Variants in PPP1R1B observed in about 807,000 individuals in gnomAD.
The protein encoded by PPP1R1B is protein phosphatase 1 regulatory subunit 1B.
In PPP1R1B, 13 loss-of-function variants were observed where a neutral mutation model predicts 28.2. That is an observed-to-expected ratio of 0.46 (90% CI 0.30 to 0.73). The LOEUF (loss-of-function observed/expected upper bound fraction) is 0.73. PPP1R1B is among the 30% of genes least tolerant of loss of function. The probability of loss-of-function intolerance (pLI) is 0.07; values close to 1 mark genes in which losing one functional copy is unlikely to be tolerated. For missense variants in PPP1R1B, 236 were observed against 256.7 expected (o/e 0.92, Z 0.55); for synonymous variants, 102 against 97.5 (o/e 1.05, Z -0.27).
chr17:39,629,817 TA>T, intron 3 of PPP1R1B, 154 bp from the exon 4 acceptor site: 1 of 907,610 alleles, frequency 1.1e-6, no homozygotes, highest in Non-Finnish European at 1.7e-6. Context: ...GGGCCCCCCC[TA>T]AAGCCACAGG....
chr17:39,633,567 G>A (rs1163685625), intron 4 of PPP1R1B: 2 of 287,604 alleles, frequency 7.0e-6, no homozygotes, highest in Non-Finnish European at 6.8e-6. Context: ...TCCAGCCAGG[G>A]AATGTTAAGC....
intron 4 of PPP1R1B, chr17:39,632,638 G>A (rs1237669012): frequency 6.6e-6 from 1 of 152,284 alleles, no homozygotes; most frequent in Non-Finnish European, 1.5e-5. Flanking sequence ...TCAAGATGAA[G>A]CTCTGCCGCG....
intron 4 of PPP1R1B, chr17:39,632,126 A>G (rs1423890262): frequency 6.6e-6 from 1 of 152,568 alleles, no homozygotes; most frequent in Non-Finnish European, 1.5e-5. Flanking sequence ...AGGGATCAGG[A>G]GAGGGGTGGC....
chr17:39,632,809 ACCCT>A (rs2056888633), intron 4 of PPP1R1B: 1 of 152,012 alleles, frequency 6.6e-6, no homozygotes, highest in Admixed American at 6.6e-5. Context: ...GGAGCATAGC[ACCCT>A]GCTCACTGTG....
Position 39,636,372 on chromosome 17 carries a change from A to G in PPP1R1B, c.*507A>G, listed in dbSNP as rs574042263. On this transcript the variant is annotated 3_prime_UTR_variant, in exon 7 of 7. Coordinates refer to ENST00000254079, the MANE Select transcript of PPP1R1B (RefSeq NM_032192.4). ...CCAGGACTAAGGCGTTTTTCTCCAT[A>G]GCCTCAACATTTTGGGAATCTTCCC... 2.5e-4 allele frequency: 39 copies of G among 154,302 alleles called. No homozygotes were observed. Among genetic ancestry groups the G allele is most frequent in the Admixed American group, 9.0e-4 (14 of 15,472 alleles). The allele number at this position is 154,302 out of a possible 1,614,324, so 9.6% of individuals were successfully genotyped here.
At chr17:39,634,308 T>C (rs75708813) in intron 5 of PPP1R1B, among the ~76,000 whole-genome samples, 2,153 of 152,362 alleles carry the variant, frequency 0.014, 59 homozygotes, top group African/African-American at 0.049. Context: ...TTTTCCCTAA[T>C]AATTCCTCTC....
intron 1 of PPP1R1B, 38 bp from the exon 2 acceptor site, chr17:39,629,132 A>T: frequency 1.9e-6 from 3 of 1,581,110 alleles, no homozygotes; most frequent in Non-Finnish European, 2.6e-6. Flanking sequence ...GGAGGGCTGC[A>T]GGTGTCCATC....
intron 3 of PPP1R1B, 41 bp downstream of exon 3, chr17:39,629,603 C>T (rs752589279): frequency 1.9e-6 from 3 of 1,610,884 alleles, no homozygotes; most frequent in Non-Finnish European, 2.5e-6. Context: ...ATGCCTGGGC[C>T]CCTTGGGGTG....
chr17:39,630,748 A>T (rs980552880), intron 4 of PPP1R1B, among the ~76,000 whole-genome samples: 6 of 151,648 alleles, frequency 4.0e-5, no homozygotes, highest in African/African-American at 1.5e-4. Flanking sequence ...ATACAGTGAG[A>T]CCCCCATCTC....
chr17:39,627,618 C>T (rs997438322), intron 1 of PPP1R1B, 145 bp downstream of exon 1: 13 of 566,738 alleles, frequency 2.3e-5, no homozygotes, highest in Non-Finnish European at 3.9e-5. Flanking sequence ...GGACGGGGCG[C>T]GGGGCCGCGT....
rs745796241 is a variant in PPP1R1B, at chr17:39,627,474, G to T, written c.81+1G>T. ...GCTCGACCCCCGCCAGGTGGAGATG[G>T]TAAGGGGCCCGTGCCCCACCCCGGC... On this transcript the variant is annotated splice_donor_variant, in intron 1 of 6. Transcript: ENST00000254079. LOFTEE classifies it high-confidence loss of function. The T allele has an allele frequency of 6.4e-7, 1 of 1,558,854 alleles. No homozygotes were observed. Among genetic ancestry groups the T allele is most frequent in the Admixed American group, 1.8e-5 (1 of 55,182 alleles).
At position 39,629,477 on chromosome 17, in the gene PPP1R1B, C is replaced by T; in HGVS notation, c.143-63C>T. 1.3e-6 allele frequency: 2 copies of T among 1,598,374 alleles called. 1 individual carries two copies. Reference sequence around the variant, plus strand: ...AAAATAACTCGGATTCTTTCTCTCTCTCCCTCTTCTCTTTTCCTCCTCGCT... The same window carrying T: ...AAAATAACTCGGATTCTTTCTCTCTTTCCCTCTTCTCTTTTCCTCCTCGCT... On this transcript the variant is annotated intron_variant, in intron 2 of 6. Transcript: ENST00000254079.
chr17:39,628,489 G>A (rs2056852639), intron 1 of PPP1R1B: 1 of 985,386 alleles, frequency 1.0e-6, no homozygotes, highest in African/African-American at 1.7e-5. Flanking sequence ...ACGTAGCAAG[G>A]AGGGCAACTT....
At chr17:39,629,516 G>A (rs1290378019) in intron 2 of PPP1R1B, 24 bp from the exon 3 acceptor site, 2 of 1,613,638 alleles carry the variant, frequency 1.2e-6, no homozygotes, top group South Asian at 2.2e-5. Flanking sequence ...TTCTGGTTCG[G>A]TTGGCTTTGG....
Position 39,629,222 on chromosome 17 carries a change from C to T in PPP1R1B, c.134C>T (p.Ser45Phe). 6.2e-7 allele frequency: 1 copy of T among 1,613,672 alleles called. No homozygotes were observed. Among genetic ancestry groups the T allele is most frequent in the Non-Finnish European group, 8.5e-7 (1 of 1,179,852 alleles). The change falls in exon 2 of 7, where the codon TCC (serine) becomes TTC (phenylalanine). Residue 45 changes from serine to phenylalanine, a missense_variant. Physicochemically the swap from Ser to Phe is radical, Grantham distance 155. Transcript: ENST00000254079. ...PAMLFRLSEHSSPEEEASPHQ... is the reference protein window; with the variant it reads ...PAMLFRLSEHFSPEEEASPHQ... ...ATGCTGTTCCGGCTCTCAGAGCACT[C>T]CTCACCAGGTAGGCCCCTCCCTGCC...
rs7212852 is a variant in PPP1R1B, at chr17:39,635,435, G to A, written c.446-172G>A. On this transcript the variant is annotated intron_variant, in intron 5 of 6. Transcript: ENST00000254079. ...TTCAGAAAGGTACTAACTGACTTACGTAAGCCATATGGCTAGTTGCTGGGA... is the reference window on the plus strand; with the variant it reads ...TTCAGAAAGGTACTAACTGACTTACATAAGCCATATGGCTAGTTGCTGGGA... Among the ~76,000 whole-genome samples the A allele has an allele frequency of 1.8e-3, 273 of 152,136 alleles. 3 individuals carry two copies. The highest frequency in any genetic ancestry group is 6.3e-3 in the African/African-American group (260 of 41,510).
chr17:39,626,928 C>G (rs2056841781), upstream of PPP1R1B: 1 of 158,064 alleles, frequency 6.3e-6, no homozygotes, highest in South Asian at 1.9e-4. Flanking sequence ...GACCCCAAAG[C>G]TGGGACCGGA....
intron 4 of PPP1R1B, chr17:39,630,266 C>T (rs909475515): frequency 3.7e-6 from 2 of 546,416 alleles, no homozygotes; most frequent in Non-Finnish European, 6.6e-6. Context: ...GCCTTAACAT[C>T]GGGTTGTGGG....
At chr17:39,628,674 C>G (rs2056854021) in intron 1 of PPP1R1B, 1 of 986,374 alleles carries the variant, frequency 1.0e-6, no homozygotes, top group South Asian at 4.7e-5. Flanking sequence ...AAAGCTGGAT[C>G]CAGCTTGTTT....
Sources: allele counts gnomAD v4.1 joint callset (sites outside exome capture counted in the v4.1 genomes callset), GRCh38; gene constraint gnomAD v4.1.1; transcripts MANE v1.5; gene names NCBI Gene and HGNC (gene_info 2026-07-23, HGNC 2026-07-21).